The following VPS13C variants were observed in gnomAD, a reference collection of about 807,000 sequenced individuals.
VPS13C encodes the protein vacuolar protein sorting 13 homolog C.
In VPS13C, 358 loss-of-function variants were observed where a neutral mutation model predicts 456.8. The ratio of observed to expected loss-of-function variants is 0.78; its 90% CI spans 0.72 to 0.86. VPS13C has a LOEUF of 0.86. VPS13C is among the 40% of genes least tolerant of loss of function. The pLI, the probability that VPS13C is intolerant of heterozygous loss-of-function variation, is 0.00. For synonymous variants in VPS13C, 1,578 were observed against 1,486.7 expected (o/e 1.06, Z -1.41); for missense variants, 4,818 against 4,385.4 (o/e 1.10, Z -2.79).
chr15:62,014,499 C>G (rs927087614), intron 9 of VPS13C, among the ~76,000 whole-genome samples: 2 of 151,994 alleles, frequency 1.3e-5, no homozygotes, highest in African/African-American at 4.8e-5. Context: ...AGTGAGAGTA[C>G]AGTGAGCACA....
chr15:61,926,248 T>TA (rs2043845240), intron 52 of VPS13C, among the ~76,000 whole-genome samples: 1 of 151,858 alleles, frequency 6.6e-6, no homozygotes, highest in Non-Finnish European at 1.5e-5. Flanking sequence ...AAAAATTAAT[T>TA]AAAAAACAAA....
At position 61,922,628 on chromosome 15, in the gene VPS13C, G is replaced by A. The variant is rs1403553902; in HGVS notation, c.6744C>T (p.Asn2248=). The A allele has an allele frequency of 1.2e-6, 2 of 1,613,940 alleles. No homozygotes were observed. The highest frequency in any genetic ancestry group is 1.7e-5 in the Admixed American group (1 of 60,006). Residue 2248 remains asparagine, a synonymous_variant, in exon 54 of 85, where the codon AAC becomes AAT. Coordinates refer to ENST00000644861, the MANE Select transcript of VPS13C (RefSeq NM_020821.3). ...CCGTGTCAACACCAAGAAACCAAGT[G>A]TTATAATCATTAATCGATTTGATAC... The part of the protein sequence containing the change: ...LWGIKSINDY[N]TWFLGVDTAT...
intron 22 of VPS13C, among the ~76,000 whole-genome samples, chr15:61,980,687 G>C (rs1402065391): frequency 6.6e-6 from 1 of 151,780 alleles, no homozygotes; most frequent in Non-Finnish European, 1.5e-5. Context: ...AGTTAGTAAT[G>C]TAGAAAAGAC....
chr15:61,924,232 G>C (rs2043766484), intron 53 of VPS13C, among the ~76,000 whole-genome samples: 1 of 152,074 alleles, frequency 6.6e-6, no homozygotes, highest in South Asian at 2.1e-4. Context: ...GTTCTGTCTG[G>C]ATAAACCTTT....
chr15:62,050,676 CCTGTCAT>C (rs2048587250), intron 1 of VPS13C, among the ~76,000 whole-genome samples: 1 of 151,936 alleles, frequency 6.6e-6, no homozygotes. Context: ...GTGGCAGGTG[CCTGTCAT>C]CTCAGATACT....
At chr15:61,929,994 T>C (rs1481813469) in intron 50 of VPS13C, among the ~76,000 whole-genome samples, 1 of 152,208 alleles carries the variant, frequency 6.6e-6, no homozygotes, top group Non-Finnish European at 1.5e-5. Flanking sequence ...CTATATGTTA[T>C]TGCATTATAA....
intron 16 of VPS13C, among the ~76,000 whole-genome samples, chr15:61,998,561 T>C (rs1387488643): frequency 6.6e-6 from 1 of 152,138 alleles, no homozygotes; most frequent in Non-Finnish European, 1.5e-5. Context: ...ATTAATCTCA[T>C]CTCACAAATC....
chr15:61,954,382 AT>A, intron 38 of VPS13C, 38 bp downstream of exon 38: 1 of 1,589,778 alleles, frequency 6.3e-7, no homozygotes, highest in Non-Finnish European at 8.5e-7. Context: ...TCCATTACTT[AT>A]TCACCTCACT....
intron 5 of VPS13C, among the ~76,000 whole-genome samples, chr15:62,030,978 GC>G (rs2140634818): frequency 6.6e-6 from 1 of 152,124 alleles, no homozygotes; most frequent in South Asian, 2.1e-4. Flanking sequence ...ACAGAATCTA[GC>G]ATTTGCGAAT....
intron 28 of VPS13C, 132 bp downstream of exon 28, chr15:61,969,167 G>T: frequency 1.6e-6 from 1 of 615,358 alleles, no homozygotes; most frequent in Non-Finnish European, 2.6e-6. Context: ...GATTAAATGA[G>T]TTATTACTTG....
intron 18 of VPS13C, among the ~76,000 whole-genome samples, chr15:61,986,291 A>G (rs1461060957): frequency 1.3e-5 from 2 of 152,128 alleles, no homozygotes; most frequent in Non-Finnish European, 2.9e-5. Context: ...CATAAAAGAT[A>G]AAACAGAGCA....
chr15:62,033,727 AAT>A (rs1215372977), intron 4 of VPS13C, among the ~76,000 whole-genome samples, 185 bp from the exon 5 acceptor site: 1 of 151,826 alleles, frequency 6.6e-6, no homozygotes, highest in African/African-American at 2.4e-5. Flanking sequence ...AAAAAACTGA[AAT>A]ACAAAAAGAA....
In VPS13C at chr15:62,014,000, A is replaced by T. The variant is rs1172667011; in HGVS notation, c.685-8T>A. 6 of 1,605,746 alleles carry T rather than the reference A, an allele frequency of 3.7e-6. No homozygotes were observed. The highest frequency in any genetic ancestry group is 5.1e-6 in the Non-Finnish European group (6 of 1,175,040). ...CCAGTGTTCATTTGCAGTCTAAAAG[A>T]AAAAAGGGAATACCTGTGAAACGTG... On this transcript the variant is annotated splice_polypyrimidine_tract_variant and splice_region_variant and intron_variant, in intron 9 of 84. Transcript: ENST00000644861.
At chr15:62,055,611 T>C (rs775910551) in intron 1 of VPS13C, among the ~76,000 whole-genome samples, 2 of 152,100 alleles carry the variant, frequency 1.3e-5, no homozygotes, top group African/African-American at 4.8e-5. Flanking sequence ...ATGCACACTA[T>C]GATGTTTTCC....
intron 1 of VPS13C, among the ~76,000 whole-genome samples, chr15:62,059,827 A>T (rs962796808): frequency 1.3e-4 from 20 of 152,234 alleles, no homozygotes; most frequent in African/African-American, 4.6e-4. Flanking sequence ...ATGATAGTGA[A>T]GATAACTGCG....
chr15:61,885,062 T>C, intron 67 of VPS13C, among the ~76,000 whole-genome samples: 1 of 152,096 alleles, frequency 6.6e-6, no homozygotes, highest in South Asian at 2.1e-4. Flanking sequence ...AAAATGTTGC[T>C]GGAACTGGAG....
chr15:62,003,892 C>G (rs1165219356), intron 15 of VPS13C, among the ~76,000 whole-genome samples: 1 of 151,832 alleles, frequency 6.6e-6, no homozygotes, highest in South Asian at 2.1e-4. Context: ...GGTGGATAAG[C>G]TTTTTGATGT....
intron 75 of VPS13C, 93 bp downstream of exon 75, chr15:61,876,880 A>AG (rs1292535096): frequency 3.3e-5 from 29 of 866,130 alleles, no homozygotes; most frequent in Admixed American, 2.4e-4. Flanking sequence ...GAGATAAATT[A>AG]GATAAACATT....
At chr15:61,994,519 A>G (rs1346946404) in intron 16 of VPS13C, among the ~76,000 whole-genome samples, 1 of 152,218 alleles carries the variant, frequency 6.6e-6, no homozygotes, top group African/African-American at 2.4e-5. Context: ...AGAGTCACTT[A>G]CAATTAAATA....
Sources: gnomAD v4.1 joint callset for allele counts (sites outside exome capture counted in the v4.1 genomes callset) on GRCh38, gnomAD v4.1.1 for gene constraint, MANE v1.5 for transcripts, NCBI Gene and HGNC (gene_info 2026-07-23, HGNC 2026-07-21) for gene names.